Variants in THSD7B observed in about 807,000 individuals in gnomAD.
THSD7B encodes thrombospondin type 1 domain containing 7B, also known as thrombospondin type-1 domain-containing protein 7B.
In THSD7B, 138 loss-of-function variants were observed where a neutral mutation model predicts 213.6. The ratio of observed to expected loss-of-function variants is 0.65; its 90% CI spans 0.56 to 0.74. The LOEUF is 0.74. Ranked by LOEUF, THSD7B falls within the 30% of genes least tolerant of loss-of-function variation. The pLI, the probability that THSD7B is intolerant of heterozygous loss-of-function variation, is 0.00. For missense variants in THSD7B, 1,931 were observed against 1,991.5 expected (o/e 0.97, Z 0.58); for synonymous variants, 742 against 687.0 (o/e 1.08, Z -1.25).
At chr2:137,317,387 T>C (rs986125945) in intron 12 of THSD7B, among the ~76,000 whole-genome samples, 6 of 152,244 alleles carry the variant, frequency 3.9e-5, no homozygotes, top group African/African-American at 1.4e-4. Context: ...GTTCTGCAAT[T>C]ACCTAACATG....
At chr2:136,852,448 C>T (rs182638158) in intron 1 of THSD7B, among the ~76,000 whole-genome samples, 28 of 152,202 alleles carry the variant, frequency 1.8e-4, no homozygotes, top group African/African-American at 6.3e-4. Context: ...TCCACAGAGC[C>T]CTCAGAGAGG....
At chr2:137,618,756 A>G (rs1224074144) in intron 19 of THSD7B, among the ~76,000 whole-genome samples, 1 of 152,192 alleles carries the variant, frequency 6.6e-6, no homozygotes, top group Non-Finnish European at 1.5e-5. Flanking sequence ...TTTATTACTT[A>G]TAAAAAGTTA....
intron 17 of THSD7B, among the ~76,000 whole-genome samples, chr2:137,606,660 T>C (rs987017395): frequency 1.3e-5 from 2 of 152,154 alleles, no homozygotes; most frequent in African/African-American, 4.8e-5. Context: ...ATTCCAGATA[T>C]TATTCTGGGA....
At chr2:137,479,482 A>G (rs1357244870) in intron 15 of THSD7B, 1 of 413,506 alleles carries the variant, frequency 2.4e-6, no homozygotes, top group Non-Finnish European at 4.9e-6. Flanking sequence ...CAGAATGCTC[A>G]GGTTGGAGCA....
At chr2:137,055,399 C>T (rs1252724940) in intron 2 of THSD7B, among the ~76,000 whole-genome samples, 1 of 152,160 alleles carries the variant, frequency 6.6e-6, no homozygotes, top group Admixed American at 6.5e-5. Flanking sequence ...AATTTACACT[C>T]CCACCAACAG....
intron 14 of THSD7B, among the ~76,000 whole-genome samples, chr2:137,444,693 A>G (rs895682420): frequency 2.0e-5 from 3 of 152,010 alleles, no homozygotes; most frequent in Non-Finnish European, 4.4e-5. Context: ...AAAATGCTCC[A>G]GGACATTGGT....
intron 2 of THSD7B, among the ~76,000 whole-genome samples, chr2:137,009,888 G>A (rs1172535323): frequency 6.6e-6 from 1 of 152,198 alleles, no homozygotes; most frequent in Non-Finnish European, 1.5e-5. Context: ...TCTATGTCTG[G>A]CACACAATTG....
intron 11 of THSD7B, among the ~76,000 whole-genome samples, chr2:137,272,920 G>A (rs1682780270): frequency 6.6e-6 from 1 of 151,836 alleles, no homozygotes; most frequent in South Asian, 2.1e-4. Context: ...CACCATGGCA[G>A]TCCATTTTCA....
rs554552510 is a variant in THSD7B at position 137,487,032 on chromosome 2, G to A, written c.3138+36009G>A. The stretch of plus-strand genomic sequence containing the variant: ...AATTTATAGCACTGAATGCCCACAA[G>A]AGAAAGCAGAAAAGATCCAAAATTG... On this transcript the variant is annotated intron_variant, in intron 15 of 27. Transcript: ENST00000409968. Among the ~76,000 whole-genome samples the A allele has an allele frequency of 2.3e-4, 35 of 151,092 alleles. 2 individuals carry two copies. The highest frequency in any genetic ancestry group is 1.5e-4 in the Non-Finnish European group (10 of 67,984).
intron 15 of THSD7B, among the ~76,000 whole-genome samples, chr2:137,521,036 T>C (rs1680174471): frequency 6.6e-6 from 1 of 152,074 alleles, no homozygotes; most frequent in African/African-American, 2.4e-5. Context: ...GGGGATTGGG[T>C]TAGAGCTGTT....
intron 2 of THSD7B, among the ~76,000 whole-genome samples, chr2:136,996,186 G>A (rs1235207862): frequency 2.6e-5 from 4 of 152,134 alleles, no homozygotes; most frequent in Non-Finnish European, 2.9e-5. Flanking sequence ...TCGTCTGTCT[G>A]TGTGCACTAA....
At chr2:137,392,723 G>A (rs1020955629) in intron 12 of THSD7B, among the ~76,000 whole-genome samples, 3 of 151,952 alleles carry the variant, frequency 2.0e-5, no homozygotes, top group African/African-American at 4.8e-5. Flanking sequence ...ATTTTAGGAG[G>A]AGCATAAATT....
At chr2:137,318,217 GT>G in intron 12 of THSD7B, among the ~76,000 whole-genome samples, 1 of 152,122 alleles carries the variant, frequency 6.6e-6, no homozygotes, top group East Asian at 1.9e-4. Context: ...CAGGGCTTGG[GT>G]TTTCTTCCTG....
Position 137,522,464 on chromosome 2 carries a change from G to T in THSD7B, c.3139-40757G>T, listed in dbSNP as rs1273285051. ...TTTTAGCACATTTCTTGACACAAAG[G>T]AGGTGCTTGATGAATGTTTCTTGAA... is the stretch of plus-strand genomic sequence containing the variant. On this transcript the variant is annotated intron_variant, in intron 15 of 27. Transcript: ENST00000409968. Among the ~76,000 whole-genome samples the T allele has an allele frequency of 7.9e-5, 12 of 152,164 alleles. No homozygotes were observed. In the East Asian group the frequency reaches 2.3e-3, roughly 29 times the overall value.
chr2:136,782,571 T>G (rs1558803467), intron 1 of THSD7B, among the ~76,000 whole-genome samples: 2 of 152,156 alleles, frequency 1.3e-5, no homozygotes, highest in Non-Finnish European at 2.9e-5. Flanking sequence ...TGAAATTATG[T>G]TATGCTCTAG....
intron 2 of THSD7B, among the ~76,000 whole-genome samples, chr2:136,930,101 C>T (rs1214750899): frequency 6.6e-6 from 1 of 152,172 alleles, no homozygotes; most frequent in East Asian, 1.9e-4. Context: ...AAGCACATCT[C>T]TGCTCTGCAA....
intron 15 of THSD7B, among the ~76,000 whole-genome samples, chr2:137,549,411 A>C (rs9287475): frequency 6.8e-6 from 1 of 147,448 alleles, no homozygotes; most frequent in Admixed American, 6.9e-5. Flanking sequence ...TCACTCACTC[A>C]ATCTATCTAC....
At chr2:136,903,236 G>A (rs900609265) in intron 2 of THSD7B, among the ~76,000 whole-genome samples, 1 of 152,164 alleles carries the variant, frequency 6.6e-6, no homozygotes, top group Non-Finnish European at 1.5e-5. Flanking sequence ...TAAATGCTCC[G>A]TAGGAGATAG....
intron 20 of THSD7B, among the ~76,000 whole-genome samples, chr2:137,625,695 G>C (rs2104847179): frequency 6.6e-6 from 1 of 152,286 alleles, no homozygotes; most frequent in East Asian, 1.9e-4. Flanking sequence ...CTCACCAGTT[G>C]GGAGTTGAAT....
Sources: gnomAD v4.1 joint callset for allele counts (sites outside exome capture counted in the v4.1 genomes callset) on GRCh38, gnomAD v4.1.1 for gene constraint, MANE v1.5 for transcripts, NCBI Gene and HGNC (gene_info 2026-07-23, HGNC 2026-07-21) for gene names.